PIK3C2G: variants seen among roughly 807,000 people sequenced by gnomAD.
PIK3C2G encodes the protein phosphatidylinositol-4-phosphate 3-kinase catalytic subunit type 2 gamma, also known as phosphatidylinositol 3-kinase C2 domain-containing subunit gamma.
PIK3C2G carries 168 observed loss-of-function variants against 181.1 expected under a neutral mutation model. That is an observed-to-expected ratio of 0.93 (90% CI 0.82 to 1.05). PIK3C2G has a LOEUF of 1.05. Among genes scored for constraint, PIK3C2G ranks in the 50% least tolerant of loss-of-function variants. The pLI is 0.00. For missense variants in PIK3C2G, 1,869 were observed against 1,732.8 expected, an observed-to-expected ratio of 1.08 and a Z score of -1.40; for synonymous variants, 573 against 592.2, an observed-to-expected ratio of 0.97 and a Z score of 0.47.
At chr12:18,407,430 A>G (rs920731710) in intron 16 of PIK3C2G, among the ~76,000 whole-genome samples, 1 of 152,054 alleles carries the variant, frequency 6.6e-6, no homozygotes, top group Non-Finnish European at 1.5e-5. Context: ...ACTGATCTCC[A>G]TTTTACAGAT....
intron 11 of PIK3C2G, among the ~76,000 whole-genome samples, chr12:18,360,802 T>A (rs1941169903): frequency 6.6e-6 from 1 of 152,164 alleles, no homozygotes; most frequent in South Asian, 2.1e-4. Context: ...GGTCTTTTCA[T>A]CTTTTTGACT....
intron 24 of PIK3C2G, among the ~76,000 whole-genome samples, chr12:18,508,436 ATTGT>A (rs1405413130): frequency 6.6e-6 from 1 of 152,088 alleles, no homozygotes; most frequent in Non-Finnish European, 1.5e-5. Flanking sequence ...TACTAGGTTC[ATTGT>A]TTGTTCTTAT....
intron 24 of PIK3C2G, among the ~76,000 whole-genome samples, chr12:18,524,398 G>A (rs888120503): frequency 3.3e-5 from 5 of 152,052 alleles, no homozygotes; most frequent in African/African-American, 7.2e-5. Flanking sequence ...TGGTATTCTC[G>A]CCTGTGGATA....
chr12:18,466,307 C>T (rs1308151138), intron 18 of PIK3C2G, among the ~76,000 whole-genome samples: 7 of 151,536 alleles, frequency 4.6e-5, no homozygotes, highest in South Asian at 2.1e-4. Flanking sequence ...CAAGTTTTTA[C>T]GGATCTAATT....
intron 31 of PIK3C2G, among the ~76,000 whole-genome samples, chr12:18,626,925 T>C (rs993025438): frequency 6.6e-6 from 1 of 152,080 alleles, no homozygotes; most frequent in South Asian, 2.1e-4. Context: ...TTTTTGGTCA[T>C]ATTAGGGAAC....
chr12:18,245,964 T>C (rs1948035522), upstream of PIK3C2G, among the ~76,000 whole-genome samples: 1 of 152,162 alleles, frequency 6.6e-6, no homozygotes, highest in Non-Finnish European at 1.5e-5. Context: ...GTATTGGCTT[T>C]CATGATTTTA....
chr12:18,705,136 T>C, the PIK3C2G span: 1 of 1,611,698 alleles, frequency 6.2e-7, no homozygotes, highest in African/African-American at 1.3e-5. Context: ...ACTTTTTTCT[T>C]AACCTGAGTT....
chr12:18,703,988 G>C, the PIK3C2G span, among the ~76,000 whole-genome samples: 1 of 152,136 alleles, frequency 6.6e-6, no homozygotes, highest in Non-Finnish European at 1.5e-5. Context: ...TCATCAAAAA[G>C]AAAGTTTATT....
At chr12:18,683,183 A>G in the PIK3C2G span, 6 of 1,433,868 alleles carry the variant, frequency 4.2e-6, no homozygotes, top group African/African-American at 2.8e-5. Flanking sequence ...AAAGACATTC[A>G]TTTTGGCTGT....
the PIK3C2G span, among the ~76,000 whole-genome samples, chr12:18,726,523 C>T: frequency 6.6e-6 from 1 of 152,072 alleles, no homozygotes; most frequent in African/African-American, 2.4e-5. Flanking sequence ...AGCTTAATTA[C>T]TATACGTTTA....
At chr12:18,303,182 T>G (rs577605889) in intron 5 of PIK3C2G, among the ~76,000 whole-genome samples, 66 of 149,152 alleles carry the variant, frequency 4.4e-4, no homozygotes, top group African/African-American at 1.5e-3. Flanking sequence ...TCTCTTTCTC[T>G]CTCTTCTTTC....
downstream of PIK3C2G, among the ~76,000 whole-genome samples, chr12:18,650,722 A>ATATC (rs1565602732): frequency 0.019 from 312 of 16,556 alleles, no homozygotes; most frequent in Non-Finnish European, 0.025. Flanking sequence ...CTATATATAT[A>ATATC]TATATATATA....
At chr12:18,665,163 TAAAAAATAAA>T in the PIK3C2G span, among the ~76,000 whole-genome samples, 2 of 148,736 alleles carry the variant, frequency 1.3e-5, no homozygotes, top group East Asian at 4.0e-4. Context: ...ATAATAATAA[TAAAAAATAAA>T]AAAAAATTAA....
At chr12:18,511,561 T>C (rs997831602) in intron 24 of PIK3C2G, among the ~76,000 whole-genome samples, 1 of 152,100 alleles carries the variant, frequency 6.6e-6, no homozygotes, top group African/African-American at 2.4e-5. Flanking sequence ...TCGCATTTCC[T>C]TGATAATTAG....
At chr12:18,716,786 C>T in the PIK3C2G span, among the ~76,000 whole-genome samples, 1 of 151,994 alleles carries the variant, frequency 6.6e-6, no homozygotes, top group African/African-American at 2.4e-5. Flanking sequence ...TTTGTTGTAA[C>T]TTATTTAGAT....
intron 8 of PIK3C2G, among the ~76,000 whole-genome samples, chr12:18,335,616 G>A (rs1038488975): frequency 1.3e-5 from 2 of 152,026 alleles, no homozygotes; most frequent in Non-Finnish European, 2.9e-5. Context: ...ATATTTGTCT[G>A]TGTTTCTGCC....
chr12:18,630,541 G>GT (rs1949306515), intron 31 of PIK3C2G, among the ~76,000 whole-genome samples: 1 of 151,840 alleles, frequency 6.6e-6, no homozygotes, highest in Non-Finnish European at 1.5e-5. Flanking sequence ...GGGTAGTAGG[G>GT]TAGTGAATAA....
chr12:18,267,184 T>A (rs1948539235), intron 1 of PIK3C2G, among the ~76,000 whole-genome samples: 1 of 152,092 alleles, frequency 6.6e-6, no homozygotes, highest in Admixed American at 6.5e-5. Flanking sequence ...TTCTGATGTA[T>A]CAATTCTGCT....
At chr12:18,273,157 C>T (rs957467532) in intron 1 of PIK3C2G, among the ~76,000 whole-genome samples, 2 of 152,116 alleles carry the variant, frequency 1.3e-5, no homozygotes, top group African/African-American at 4.8e-5. Context: ...AATACAGTCA[C>T]TTATATGATT....
Sources: allele counts gnomAD v4.1 joint callset (sites outside exome capture counted in the v4.1 genomes callset), GRCh38; gene constraint gnomAD v4.1.1; transcripts MANE v1.5; gene names NCBI Gene and HGNC (gene_info 2026-07-23, HGNC 2026-07-21).